Variants in MVB12B observed in about 807,000 individuals in gnomAD.
The protein encoded by MVB12B is multivesicular body subunit 12B.
In MVB12B, 16 loss-of-function variants were observed where a neutral mutation model predicts 41.6. That is an observed-to-expected ratio of 0.38 (90% CI 0.26 to 0.58). MVB12B has a LOEUF of 0.58. Ranked by LOEUF, MVB12B falls within the 20% of genes least tolerant of loss-of-function variation. The probability of loss-of-function intolerance (pLI) is 0.62; values close to 1 mark genes in which losing one functional copy is unlikely to be tolerated. For synonymous variants in MVB12B, 133 were observed against 139.7 expected (o/e 0.95, Z 0.34); for missense variants, 274 against 380.2 (o/e 0.72, Z 2.32).
At chr9:126,332,691 T>G (rs1219698578) in intron 1 of MVB12B, among the ~76,000 whole-genome samples, 2 of 127,690 alleles carry the variant, frequency 1.6e-5, no homozygotes, top group East Asian at 2.6e-4. Context: ...TATGTGCCCC[T>G]GCCCCTTTAT....
At chr9:126,476,605 G>A (rs750263717) in intron 7 of MVB12B, among the ~76,000 whole-genome samples, 4 of 152,094 alleles carry the variant, frequency 2.6e-5, no homozygotes, top group African/African-American at 4.8e-5. Flanking sequence ...TGCCGGTCGC[G>A]GTGGCTCACG....
chr9:126,336,879 T>C (rs917588032), intron 1 of MVB12B, among the ~76,000 whole-genome samples: 10 of 152,130 alleles, frequency 6.6e-5, no homozygotes, highest in African/African-American at 2.4e-4. Flanking sequence ...TCACAGAGGC[T>C]GTATGCCCGC....
At chr9:126,502,978 C>T (rs1239195453) in intron 9 of MVB12B, among the ~76,000 whole-genome samples, 199 bp from the exon 10 acceptor site, 1 of 152,212 alleles carries the variant, frequency 6.6e-6, no homozygotes, top group Admixed American at 6.5e-5. Context: ...CAGGCGTGTC[C>T]ACGCACACAC....
intron 6 of MVB12B, among the ~76,000 whole-genome samples, chr9:126,400,831 C>T (rs779028815): frequency 7.9e-5 from 12 of 152,206 alleles, no homozygotes; most frequent in Admixed American, 2.0e-4. Flanking sequence ...CTTGGTGATG[C>T]GGACACCGTG....
At chr9:126,351,380 C>T (rs1459113410) in intron 2 of MVB12B, among the ~76,000 whole-genome samples, 1 of 151,502 alleles carries the variant, frequency 6.6e-6, no homozygotes, top group Admixed American at 6.6e-5. Context: ...CTTTTTCTTG[C>T]CTTATTGCAA....
chr9:126,396,786 A>T, intron 6 of MVB12B: 4 of 985,460 alleles, frequency 4.1e-6, no homozygotes, highest in Non-Finnish European at 4.8e-6. Flanking sequence ...ATTGCCTGAA[A>T]CTTTAGAAGT....
chr9:126,503,517 C>T lies in MVB12B; in HGVS notation c.*254C>T, dbSNP rs1294805274. 4 of 541,608 alleles carry T rather than the reference C, an allele frequency of 7.4e-6. No individual in the cohort carries two copies. Among genetic ancestry groups the T allele is most frequent in the Non-Finnish European group, 9.8e-6 (3 of 304,784 alleles). 33.6% of individuals were successfully genotyped at this position (541,608 alleles called of 1,614,324 possible). The stretch of plus-strand genomic sequence containing the variant: ...TGCTGTAGTGACCAGCGGCTCCTAA[C>T]GTGTCTGTGTGATGACCAGTTGTCC... On this transcript the variant is annotated 3_prime_UTR_variant, in exon 10 of 10. Coordinates refer to ENST00000361171, the MANE Select transcript of MVB12B (RefSeq NM_033446.3).
At chr9:126,467,741 G>A (rs1383768863) in intron 7 of MVB12B, among the ~76,000 whole-genome samples, 2 of 152,168 alleles carry the variant, frequency 1.3e-5, no homozygotes, top group East Asian at 3.9e-4. Context: ...TGGCTCTCAT[G>A]CCCTTCTGCT....
In MVB12B at chr9:126,395,504, G is replaced by A. The variant is rs1831085612; in HGVS notation, c.540-71G>A. 6.4e-7 allele frequency: 1 copy of A among 1,560,896 alleles called. No homozygotes were observed. ...AGGCCATGACTCTTTTAAATGAATTGGTTTGCTTTGTCACTCAGGTAAATG... is the reference window on the plus strand; with the variant it reads ...AGGCCATGACTCTTTTAAATGAATTAGTTTGCTTTGTCACTCAGGTAAATG... On this transcript the variant is annotated intron_variant, in intron 5 of 9. Transcript: ENST00000361171. This position sits in a 1 kb window ranked among gnomAD's most constrained non-coding sequence, Gnocchi z 4.9.
Position 126,503,491 on chromosome 9 carries a change from GTGC to G in MVB12B, c.*231_*233del. The G allele has an allele frequency of 1.7e-6, 1 of 576,042 alleles. No homozygotes were observed. Among genetic ancestry groups the G allele is most frequent in the Non-Finnish European group, 3.1e-6 (1 of 323,338 alleles). 35.7% of individuals were successfully genotyped at this position (576,042 alleles called of 1,614,324 possible). On this transcript the variant is annotated 3_prime_UTR_variant, in exon 10 of 10. Coordinates refer to ENST00000361171, the MANE Select transcript of MVB12B (RefSeq NM_033446.3). ...GTTCATAACCATGACTAATCTGTGTGTGCTGTAGTGACCAGCGGCTCCTAACGT... is the reference window on the plus strand; with the variant it reads ...GTTCATAACCATGACTAATCTGTGTGTGTAGTGACCAGCGGCTCCTAACGT...
At chr9:126,351,400 C>T (rs1428440918) in intron 2 of MVB12B, among the ~76,000 whole-genome samples, 1 of 150,072 alleles carries the variant, frequency 6.7e-6, no homozygotes, top group Non-Finnish European at 1.5e-5. Flanking sequence ...AAGGATAGAA[C>T]ATCTAGCACT....
intron 7 of MVB12B, among the ~76,000 whole-genome samples, chr9:126,457,753 G>C (rs1444040301): frequency 6.6e-6 from 1 of 152,096 alleles, no homozygotes; most frequent in African/African-American, 2.4e-5. Context: ...TCTACTGAGG[G>C]AGAACGGGTG....
chr9:126,405,976 A>G (rs778205194), intron 6 of MVB12B, among the ~76,000 whole-genome samples: 1 of 151,276 alleles, frequency 6.6e-6, no homozygotes, highest in Non-Finnish European at 1.5e-5. Flanking sequence ...ATATATATGT[A>G]GTTTTAATCT....
intron 7 of MVB12B, among the ~76,000 whole-genome samples, chr9:126,442,258 G>A (rs59791189): frequency 0.26 from 40,241 of 151,934 alleles, 5,377 homozygotes; most frequent in Middle Eastern, 0.31. Context: ...CAGGGCCCTA[G>A]AGGCTCCTCC....
chr9:126,423,284 T>G (rs1832078848), intron 7 of MVB12B, among the ~76,000 whole-genome samples: 1 of 152,174 alleles, frequency 6.6e-6, no homozygotes, highest in South Asian at 2.1e-4. Flanking sequence ...CTACACCCAC[T>G]TTACCTGTGT....
chr9:126,483,747 G>A (rs1408983702), intron 8 of MVB12B, among the ~76,000 whole-genome samples: 1 of 152,166 alleles, frequency 6.6e-6, no homozygotes, highest in African/African-American at 2.4e-5. Flanking sequence ...CGCAGCACAG[G>A]GGCCAGCACC....
Position 126,468,295 on chromosome 9 carries a change from G to A in MVB12B, c.758-13074G>A, listed in dbSNP as rs958469956. Among the ~76,000 whole-genome samples the A allele has an allele frequency of 6.6e-6, 1 of 151,914 alleles. No homozygotes were observed. On this transcript the variant is annotated intron_variant, in intron 7 of 9. Transcript: ENST00000361171. The surrounding 1 kb of genome is among the most constrained non-coding windows in gnomAD (Gnocchi z 4.3). ...AGGCCTCATTTCTGGATCTCCACCC[G>A]GCAGCCCTCACACACCCATCTCACA...
intron 2 of MVB12B, 59 bp from the exon 3 acceptor site, chr9:126,381,005 C>A: frequency 7.2e-7 from 1 of 1,384,560 alleles, no homozygotes; most frequent in Non-Finnish European, 1.0e-6. Flanking sequence ...GTGGCCCACG[C>A]GCACCTTCAG....
chr9:126,390,635 A>C (rs757940418), intron 4 of MVB12B, among the ~76,000 whole-genome samples: 25 of 152,204 alleles, frequency 1.6e-4, no homozygotes, highest in Non-Finnish European at 2.9e-4. Context: ...AAGGAAAGTT[A>C]TTTTTTACAT....
Sources: allele counts gnomAD v4.1 joint callset (sites outside exome capture counted in the v4.1 genomes callset), GRCh38; gene constraint gnomAD v4.1.1; non-coding constraint Gnocchi (gnomAD v3.1); transcripts MANE v1.5; gene names NCBI Gene and HGNC (gene_info 2026-07-23, HGNC 2026-07-21).